Variants in RGS17 observed in about 807,000 individuals in gnomAD.
RGS17 encodes the protein regulator of G-protein signaling 17.
Under a neutral mutation model 25.5 loss-of-function variants are expected in RGS17, and 12 were observed. The ratio of observed to expected loss-of-function variants is 0.47; its 90% confidence interval spans 0.30 to 0.76. The LOEUF (loss-of-function observed/expected upper bound fraction) is 0.76. Among genes scored for constraint, RGS17 ranks in the 30% least tolerant of loss-of-function variants. The pLI is 0.07. For synonymous variants in RGS17, 71 were observed against 76.9 expected, an observed-to-expected ratio of 0.92 and a Z score of 0.40; for missense variants, 196 against 242.2, an observed-to-expected ratio of 0.81 and a Z score of 1.27.
At position 153,010,798 on chromosome 6, in the gene RGS17, A is replaced by G. The variant is rs991351200; in HGVS notation, c.*776T>C. The G allele has an allele frequency of 6.6e-6, 1 of 151,708 alleles. No individual in the cohort carries two copies. Among genetic ancestry groups the G allele is most frequent in the Non-Finnish European group, 1.5e-5 (1 of 67,822 alleles). The allele number at this position is 151,708 out of a possible 1,614,324, so 9.4% of individuals were successfully genotyped here. On this transcript the variant is annotated 3_prime_UTR_variant, in exon 5 of 5. Transcript: ENST00000206262. ...TATATACATAAATTCATTTTCTTCT[A>G]TTACAGTTAAAAGCAATATCACTCT...
intron 1 of RGS17, among the ~76,000 whole-genome samples, chr6:153,094,250 ATT>A (rs891353086): frequency 3.6e-4 from 54 of 151,066 alleles, no homozygotes; most frequent in African/African-American, 1.3e-3. Context: ...TAATTTTTGT[ATT>A]TTTTTTAGCA....
intron 1 of RGS17, among the ~76,000 whole-genome samples, chr6:153,088,038 C>T (rs938963458): frequency 6.6e-6 from 1 of 151,882 alleles, no homozygotes; most frequent in African/African-American, 2.4e-5. Context: ...CCCTTCCATT[C>T]CTCACTTTGT....
In RGS17 at chr6:153,116,779, A is replaced by G. The variant is rs553875204; in HGVS notation, c.-26+14345T>C. The stretch of plus-strand genomic sequence containing the variant: ...ATGAGTTCATGTCCTTTGCAGGGAC[A>G]TGGATGAAGCTAGAAACCATCATTC... On this transcript the variant is annotated intron_variant, in intron 1 of 4. Transcript: ENST00000206262. 2.1e-3 allele frequency among the ~76,000 whole-genome samples: 318 copies of G among 152,336 alleles called. 1 individual carries two copies. Among genetic ancestry groups the G allele is most frequent in the African/African-American group, 7.1e-3 (297 of 41,578 alleles).
chr6:153,107,173 A>G (rs1345955236), intron 1 of RGS17, among the ~76,000 whole-genome samples: 1 of 151,452 alleles, frequency 6.6e-6, no homozygotes, highest in African/African-American at 2.4e-5. Context: ...TCTCTACTCA[A>G]TAAACAAAAA....
At chr6:153,053,706 T>C (rs970201990) in intron 1 of RGS17, among the ~76,000 whole-genome samples, 2 of 151,106 alleles carry the variant, frequency 1.3e-5, no homozygotes, top group African/African-American at 2.4e-5. Context: ...GGTAGGAGGA[T>C]TGCTTCAACC....
At chr6:153,015,945 G>A (rs900275605) in intron 4 of RGS17, among the ~76,000 whole-genome samples, 15 of 152,128 alleles carry the variant, frequency 9.9e-5, no homozygotes, top group Admixed American at 9.2e-4. Flanking sequence ...GAGCCACCGC[G>A]CCCAGCCAAG....
intron 4 of RGS17, among the ~76,000 whole-genome samples, chr6:153,013,090 G>A (rs76758000): frequency 0.037 from 5,600 of 152,238 alleles, 139 homozygotes; most frequent in Non-Finnish European, 0.056. Flanking sequence ...CAGATACTGC[G>A]TTTGTTACAA....
At chr6:153,044,526 G>A (rs1018981765) in intron 1 of RGS17, among the ~76,000 whole-genome samples, 21 of 152,118 alleles carry the variant, frequency 1.4e-4, no homozygotes, top group Admixed American at 9.8e-4. Context: ...TATTCTTGGC[G>A]CCCTCTCACT....
chr6:153,129,800 A>G lies in RGS17; in HGVS notation c.-26+1324T>C, dbSNP rs1396745304. Among the ~76,000 whole-genome samples the G allele has an allele frequency of 2.0e-5, 3 of 152,250 alleles. No individual in the cohort carries two copies. The East Asian group carries it at 5.8e-4, about 29-fold the overall frequency. ...ATCTTATAGTGAATCTTTTGAAAGAAGCATTTATGGAAAGGTCAGGGGAGG... is the reference window on the plus strand; with the variant it reads ...ATCTTATAGTGAATCTTTTGAAAGAGGCATTTATGGAAAGGTCAGGGGAGG... On this transcript the variant is annotated intron_variant, in intron 1 of 4. Transcript: ENST00000206262.
At chr6:153,131,090 C>T (rs1777786311) in intron 1 of RGS17, 34 bp downstream of exon 1, 3 of 152,100 alleles carry the variant, frequency 2.0e-5, no homozygotes, top group Admixed American at 2.0e-4. Context: ...ATGTCATTTA[C>T]TTAGCACCGC....
chr6:153,067,507 T>G (rs763731617), intron 1 of RGS17, among the ~76,000 whole-genome samples: 2 of 152,118 alleles, frequency 1.3e-5, no homozygotes, highest in Non-Finnish European at 2.9e-5. Flanking sequence ...CATTTCTACA[T>G]GCCAACAGCA....
intron 1 of RGS17, among the ~76,000 whole-genome samples, chr6:153,062,502 G>A (rs1011560050): frequency 1.3e-5 from 2 of 152,144 alleles, no homozygotes; most frequent in African/African-American, 4.8e-5. Flanking sequence ...CTCAAACCTT[G>A]CCACTGTGGG....
chr6:153,017,536 T>C (rs1222448021), intron 4 of RGS17, among the ~76,000 whole-genome samples: 2 of 152,128 alleles, frequency 1.3e-5, no homozygotes, highest in South Asian at 2.1e-4. Context: ...TGGGTTAGCA[T>C]TGCTGAAAGG....
At position 153,093,844 on chromosome 6, in the gene RGS17, T is replaced by C. The variant is rs189407612; in HGVS notation, c.-26+37280A>G. Among the ~76,000 whole-genome samples the C allele has an allele frequency of 3.4e-3, 522 of 152,268 alleles. 3 individuals are homozygous for C. The highest frequency in any genetic ancestry group is 0.012 in the African/African-American group (486 of 41,560). On this transcript the variant is annotated intron_variant, in intron 1 of 4. Transcript: ENST00000206262. ...GGGACTTGAACTTCAGCCCTACCTATACTAAATCCCTGGGTAATCTTTGAC... is the reference window on the plus strand; with the variant it reads ...GGGACTTGAACTTCAGCCCTACCTACACTAAATCCCTGGGTAATCTTTGAC...
At chr6:153,113,945 T>G (rs576238554) in intron 1 of RGS17, among the ~76,000 whole-genome samples, 3 of 152,138 alleles carry the variant, frequency 2.0e-5, no homozygotes, top group Non-Finnish European at 4.4e-5. Flanking sequence ...TAGAGGGAAA[T>G]TTATAGCACT....
chr6:153,097,483 G>A (rs889693172), intron 1 of RGS17, among the ~76,000 whole-genome samples: 9 of 151,590 alleles, frequency 5.9e-5, no homozygotes, highest in African/African-American at 2.2e-4. Flanking sequence ...AGGAATGATA[G>A]GACATTAAGG....
intron 1 of RGS17, among the ~76,000 whole-genome samples, chr6:153,127,278 T>C (rs1344141403): frequency 6.6e-6 from 1 of 152,166 alleles, no homozygotes; most frequent in Non-Finnish European, 1.5e-5. Context: ...AGCTCAGGGG[T>C]TGGGGACCCC....
intron 1 of RGS17, among the ~76,000 whole-genome samples, chr6:153,054,781 G>A (rs1776531963): frequency 1.3e-5 from 2 of 151,870 alleles, no homozygotes; most frequent in South Asian, 4.2e-4. Context: ...GCGCTCTTCT[G>A]AAGTAATTGT....
At chr6:153,071,033 A>G (rs1175478940) in intron 1 of RGS17, among the ~76,000 whole-genome samples, 3 of 148,126 alleles carry the variant, frequency 2.0e-5, no homozygotes, top group African/African-American at 7.7e-5. Context: ...ATATGTATAT[A>G]TACGTATATG....
Sources: gnomAD v4.1 joint callset for allele counts (sites outside exome capture counted in the v4.1 genomes callset) on GRCh38, gnomAD v4.1.1 for gene constraint, MANE v1.5 for transcripts, NCBI Gene and HGNC (gene_info 2026-07-23, HGNC 2026-07-21) for gene names.